The following TNS3 variants were observed in gnomAD, a reference collection of about 807,000 sequenced individuals.
The protein encoded by TNS3 is tensin-3.
TNS3 carries 45 observed loss-of-function variants against 140.9 expected under a neutral mutation model. The observed-to-expected ratio is 0.32, with a 90% CI of 0.25 to 0.41. The LOEUF is 0.41. Ranked by LOEUF, TNS3 falls within the 10% of genes least tolerant of loss-of-function variation. The probability of loss-of-function intolerance (pLI) is 1.00; values close to 1 mark genes in which losing one functional copy is unlikely to be tolerated. For synonymous variants in TNS3, 815 were observed against 788.4 expected, an observed-to-expected ratio of 1.03 and a Z score of -0.56; for missense variants, 1,716 against 1,906.7, an observed-to-expected ratio of 0.90 and a Z score of 1.86.
chr7:47,363,173 T>TAAGGGTCATCACCATCAA (rs1790489290), intron 17 of TNS3, among the ~76,000 whole-genome samples: 1 of 129,492 alleles, frequency 7.7e-6, no homozygotes, highest in African/African-American at 2.9e-5. Context: ...ATCACCATCA[T>TAAGGGTCATCACCATCAA]AAGGGTCATC....
intron 4 of TNS3, among the ~76,000 whole-genome samples, chr7:47,450,808 C>T (rs1795979871): frequency 6.6e-6 from 1 of 152,216 alleles, no homozygotes; most frequent in Non-Finnish European, 1.5e-5. Flanking sequence ...CCCTGCCTCT[C>T]CTTGTCCTCA....
chr7:47,351,183 C>T (rs908918678), intron 17 of TNS3, among the ~76,000 whole-genome samples: 1 of 152,200 alleles, frequency 6.6e-6, no homozygotes, highest in African/African-American at 2.4e-5. Context: ...AAATCCCGTT[C>T]TAATTTTGCA....
chr7:47,391,951 G>A (rs1029134418), intron 16 of TNS3, among the ~76,000 whole-genome samples: 3 of 152,190 alleles, frequency 2.0e-5, no homozygotes, highest in Non-Finnish European at 2.9e-5. Flanking sequence ...CTGAGCCACA[G>A]CTGCCATCGC....
intron 15 of TNS3, among the ~76,000 whole-genome samples, chr7:47,399,264 C>CAG (rs968898630): frequency 6.6e-5 from 10 of 152,008 alleles, no homozygotes; most frequent in African/African-American, 2.4e-4. Flanking sequence ...AAGCAATCTA[C>CAG]AGATTCAATG....
In TNS3 at chr7:47,278,109, T is replaced by G; in HGVS notation, c.4305A>C (p.Ser1435=). The G allele has an allele frequency of 6.2e-7, 1 of 1,614,130 alleles. No homozygotes were observed. The highest frequency in any genetic ancestry group is 8.5e-7 in the Non-Finnish European group (1 of 1,180,026). Residue 1435 remains serine, a synonymous_variant, in exon 31 of 31, where the codon TCA becomes TCC. Transcript: ENST00000311160. ...QPASAIVNFV[S]KVMIGSPKKV The stretch of plus-strand genomic sequence containing the variant: ...TCTTTGGGGAACCAATCATGACCTT[T>G]GATACGAAGTTGACAATGGCACTGG...
At chr7:47,477,926 C>T (rs1797255241) in intron 4 of TNS3, among the ~76,000 whole-genome samples, 1 of 152,098 alleles carries the variant, frequency 6.6e-6, no homozygotes, top group Non-Finnish European at 1.5e-5. Context: ...CTGGGCTGGG[C>T]TGCCACGTCC....
intron 3 of TNS3, among the ~76,000 whole-genome samples, chr7:47,505,604 C>A (rs978262565): frequency 6.6e-6 from 1 of 152,212 alleles, no homozygotes; most frequent in African/African-American, 2.4e-5. Context: ...GGCAGCAAGG[C>A]CCTGTGCCAT....
intron 20 of TNS3, among the ~76,000 whole-genome samples, chr7:47,325,485 G>A (rs572488543): frequency 9.9e-4 from 151 of 152,284 alleles, no homozygotes; most frequent in African/African-American, 3.4e-3. Flanking sequence ...TCTCGTGGTG[G>A]AACGAGAAGT....
At chr7:47,508,170 A>AGGTT (rs1798487008) in intron 2 of TNS3, among the ~76,000 whole-genome samples, 1 of 152,148 alleles carries the variant, frequency 6.6e-6, no homozygotes, top group African/African-American at 2.4e-5. Context: ...AAAGTCAAAA[A>AGGTT]GGTTTGTGTA....
chr7:47,303,192 G>C lies in TNS3; in HGVS notation c.3215C>G (p.Thr1072Arg). 6.2e-7 allele frequency: 1 copy of C among 1,613,602 alleles called. No individual in the cohort carries two copies. The highest frequency in any genetic ancestry group is 8.5e-7 in the Non-Finnish European group (1 of 1,180,012). Residue 1072 changes from threonine to arginine, a missense_variant, in exon 22 of 31, where the codon ACG becomes AGG. By Grantham distance (71) the Thr-to-Arg change is moderately conservative. Around this residue, in one of 3 missense-constraint regions of TNS3, gnomAD observed 1,163 missense variants for 1,182.1 expected, o/e 0.98. Transcript: ENST00000311160. ...DNGFLSHNFL[T>R]VAPGHSSHHS... ...GTGGCTGCTGTGTCCAGGCGCCACC[G>C]TGAGAAAGTTGTGGGACAGGAAGCC...
At chr7:47,504,500 G>A (rs773126110) in intron 3 of TNS3, among the ~76,000 whole-genome samples, 5 of 152,214 alleles carry the variant, frequency 3.3e-5, no homozygotes, top group Admixed American at 6.5e-5. Context: ...CACAGCACAC[G>A]CTACCACCCA....
intron 1 of TNS3, among the ~76,000 whole-genome samples, chr7:47,549,490 T>C (rs1424781848): frequency 6.6e-6 from 1 of 151,590 alleles, no homozygotes; most frequent in Non-Finnish European, 1.5e-5. Flanking sequence ...GGAAACTCCA[T>C]CTCAAAAAAA....
intron 7 of TNS3, among the ~76,000 whole-genome samples, chr7:47,436,955 G>A (rs1165207427): frequency 6.6e-6 from 1 of 152,176 alleles, no homozygotes; most frequent in Non-Finnish European, 1.5e-5. Flanking sequence ...GGAAATGTGA[G>A]TGAGGTCCGT....
rs1007043378 is a variant in TNS3 at position 47,275,387 on chromosome 7, TACA to T, written c.*2686_*2688del. ...TGGCTATAGCTTAACACTGGAGGAA[TACA>T]ACAATACGTTCTTTTACTGAGTAGT... On this transcript the variant is annotated 3_prime_UTR_variant, in exon 31 of 31. Transcript: ENST00000311160. The T allele has an allele frequency of 2.6e-5, 4 of 155,252 alleles. No individual in the cohort carries two copies. The highest frequency in any genetic ancestry group is 6.4e-5 in the Admixed American group (1 of 15,564). The allele number at this position is 155,252 out of a possible 1,614,324, so 9.6% of individuals were successfully genotyped here.
At chr7:47,447,103 T>C (rs1795783238) in intron 4 of TNS3, among the ~76,000 whole-genome samples, 1 of 99,980 alleles carries the variant, frequency 1.0e-5, no homozygotes, top group Admixed American at 1.1e-4. Flanking sequence ...TCCCTTTCTC[T>C]TCCGGTAAAA....
chr7:47,495,321 C>T (rs985950245), intron 3 of TNS3, among the ~76,000 whole-genome samples: 1 of 152,174 alleles, frequency 6.6e-6, no homozygotes, highest in African/African-American at 2.4e-5. Context: ...TTCAGTGCCG[C>T]ACATCAACTA....
At position 47,303,538 on chromosome 7, in the gene TNS3, TGG is replaced by T; in HGVS notation, c.2867_2868del (p.Pro956HisfsTer18). 1 of 1,604,710 alleles carries T rather than the reference TGG, an allele frequency of 6.2e-7. No individual in the cohort carries two copies. The highest frequency in any genetic ancestry group is 1.1e-5 in the South Asian group (1 of 90,406). On this transcript the variant is annotated frameshift_variant, in exon 22 of 31. Coordinates refer to ENST00000311160, the MANE Select transcript of TNS3 (RefSeq NM_022748.12). LOFTEE classifies it high-confidence loss of function. ...CGGCCGCTCCCCAGCAGGGAAACCATGGGCTTGGGGCTGCTCTCCACCCACTG... is the reference window on the plus strand; with the variant it reads ...CGGCCGCTCCCCAGCAGGGAAACCATGCTTGGGGCTGCTCTCCACCCACTG... ...ERQWVESSPK[P>X]MVSLLGSGRP...
chr7:47,481,247 C>T, intron 3 of TNS3, 106 bp from the exon 4 acceptor site: 2 of 816,590 alleles, frequency 2.4e-6, no homozygotes, highest in Admixed American at 2.4e-5. Context: ...TCTCTAACCT[C>T]ACTCTGGCTA....
chr7:47,433,271 A>G (rs1795013334), intron 8 of TNS3, among the ~76,000 whole-genome samples: 1 of 152,250 alleles, frequency 6.6e-6, no homozygotes, highest in South Asian at 2.1e-4. Flanking sequence ...AGTGATGATG[A>G]TGAACTTCTG....
Sources: allele counts gnomAD v4.1 joint callset (sites outside exome capture counted in the v4.1 genomes callset), GRCh38; gene constraint gnomAD v4.1.1; regional missense constraint gnomAD v4.1.1; transcripts MANE v1.5; gene names NCBI Gene and HGNC (gene_info 2026-07-23, HGNC 2026-07-21).